C1orf21: variants seen among roughly 807,000 people sequenced by gnomAD.
The protein encoded by C1orf21 is uncharacterized protein C1orf21.
C1orf21 carries 3 observed loss-of-function variants against 18.7 expected under a neutral mutation model. The ratio of observed to expected loss-of-function variants is 0.16; its 90% CI spans 0.07 to 0.42. The LOEUF is 0.42. Ranked by LOEUF, C1orf21 falls within the 10% of genes least tolerant of loss-of-function variation. C1orf21 has a pLI of 0.99. For synonymous variants in C1orf21, 41 were observed against 46.4 expected (o/e 0.88, Z 0.47); for missense variants, 104 against 143.6 (o/e 0.72, Z 1.41).
intron 3 of C1orf21, among the ~76,000 whole-genome samples, chr1:184,569,054 T>C (rs1361047065): frequency 1.3e-5 from 2 of 152,210 alleles, no homozygotes; most frequent in African/African-American, 2.4e-5. Context: ...GAGACAGATA[T>C]GTAAACAGAT....
chr1:184,555,405 C>T (rs1571275467), intron 3 of C1orf21, among the ~76,000 whole-genome samples: 1 of 151,988 alleles, frequency 6.6e-6, no homozygotes. Flanking sequence ...CCTCAGATCC[C>T]AAGCTAAGGT....
intron 1 of C1orf21, among the ~76,000 whole-genome samples, chr1:184,433,719 G>A (rs1047398003): frequency 9.2e-5 from 14 of 152,168 alleles, no homozygotes; most frequent in Admixed American, 3.3e-4. Flanking sequence ...TGTGACACTC[G>A]TCATATTTCA....
chr1:184,543,106 T>C (rs968314822), intron 3 of C1orf21, among the ~76,000 whole-genome samples: 2 of 152,184 alleles, frequency 1.3e-5, no homozygotes, highest in African/African-American at 4.8e-5. Flanking sequence ...ATCCTGGCAC[T>C]TTGGGATGCT....
chr1:184,517,482 C>T (rs1057415667), intron 3 of C1orf21, among the ~76,000 whole-genome samples: 1 of 152,196 alleles, frequency 6.6e-6, no homozygotes, highest in South Asian at 2.1e-4. Context: ...TTGAATAGCC[C>T]CAATTTCCCA....
intron 1 of C1orf21, among the ~76,000 whole-genome samples, chr1:184,389,488 C>T (rs1316779808): frequency 6.6e-6 from 1 of 152,224 alleles, no homozygotes; most frequent in Non-Finnish European, 1.5e-5. Context: ...CTCACTTTAT[C>T]ATTCAACATG....
intron 2 of C1orf21, among the ~76,000 whole-genome samples, chr1:184,480,939 T>C (rs1657645850): frequency 6.6e-6 from 1 of 152,158 alleles, no homozygotes; most frequent in Non-Finnish European, 1.5e-5. Context: ...TGGGAGAGCC[T>C]TCCATCAGGG....
At chr1:184,564,469 G>A (rs370526971) in intron 3 of C1orf21, among the ~76,000 whole-genome samples, 19 of 151,968 alleles carry the variant, frequency 1.3e-4, no homozygotes, top group African/African-American at 2.7e-4. Context: ...CACCATGCCC[G>A]GCTGATTTTT....
At chr1:184,425,792 G>A (rs1363305466) in intron 1 of C1orf21, among the ~76,000 whole-genome samples, 5 of 152,166 alleles carry the variant, frequency 3.3e-5, no homozygotes, top group African/African-American at 1.2e-4. Flanking sequence ...TTTCTTACCA[G>A]TAGACATTCA....
chr1:184,566,750 G>T, intron 3 of C1orf21: 1 of 393,720 alleles, frequency 2.5e-6, no homozygotes, highest in Non-Finnish European at 5.1e-6. Flanking sequence ...ATGATTCCTG[G>T]CAGGAAAGGC....
At chr1:184,561,196 G>A (rs946229553) in intron 3 of C1orf21, among the ~76,000 whole-genome samples, 1 of 152,128 alleles carries the variant, frequency 6.6e-6, no homozygotes, top group Non-Finnish European at 1.5e-5. Flanking sequence ...CAGCAAGAAG[G>A]CATTTTAATG....
intron 1 of C1orf21, among the ~76,000 whole-genome samples, chr1:184,449,854 A>G (rs918579121): frequency 3.9e-5 from 6 of 152,136 alleles, no homozygotes; most frequent in Non-Finnish European, 5.9e-5. Context: ...ACTTTCCTTC[A>G]GTGTTTGGTA....
chr1:184,458,124 G>A (rs12117823), intron 1 of C1orf21, among the ~76,000 whole-genome samples: 25,004 of 152,026 alleles, frequency 0.16, 2,374 homozygotes, highest in Middle Eastern at 0.22. Context: ...ACGTTCCTTC[G>A]CCTGACCCGT....
intron 2 of C1orf21, among the ~76,000 whole-genome samples, chr1:184,502,690 C>T (rs1657995181): frequency 6.6e-6 from 1 of 152,114 alleles, no homozygotes; most frequent in African/African-American, 2.4e-5. Context: ...CGTAGAGATA[C>T]AGTGGTCAGA....
chr1:184,493,022 G>A (rs1220427248), intron 2 of C1orf21, among the ~76,000 whole-genome samples: 5 of 152,242 alleles, frequency 3.3e-5, no homozygotes, highest in Non-Finnish European at 7.4e-5. Context: ...CTATAATAGG[G>A]CAAGAAGAAG....
chr1:184,489,876 G>A (rs1375407815), intron 2 of C1orf21, among the ~76,000 whole-genome samples: 1 of 152,168 alleles, frequency 6.6e-6, no homozygotes, highest in Non-Finnish European at 1.5e-5. Flanking sequence ...TGAAGTTTCA[G>A]GTGATTCTTA....
intron 3 of C1orf21, among the ~76,000 whole-genome samples, chr1:184,551,730 G>A (rs1185626079): frequency 6.6e-6 from 1 of 152,142 alleles, no homozygotes; most frequent in Non-Finnish European, 1.5e-5. Flanking sequence ...GGGGGTCCAG[G>A]GTGCAGTGGC....
intron 3 of C1orf21, among the ~76,000 whole-genome samples, chr1:184,586,342 G>A (rs1036005140): frequency 8.7e-5 from 13 of 149,480 alleles, no homozygotes; most frequent in African/African-American, 3.0e-4. Flanking sequence ...GAGTGCAGTG[G>A]TGCAATCTCG....
intron 3 of C1orf21, among the ~76,000 whole-genome samples, chr1:184,526,087 TGTTAGA>T (rs1658373025): frequency 6.6e-6 from 1 of 152,190 alleles, no homozygotes; most frequent in Non-Finnish European, 1.5e-5. Context: ...AAAATTGTAT[TGTTAGA>T]GTTAATGACA....
At chr1:184,588,024 G>T (rs1022375075) in intron 3 of C1orf21, among the ~76,000 whole-genome samples, 1 of 152,164 alleles carries the variant, frequency 6.6e-6, no homozygotes, top group Non-Finnish European at 1.5e-5. Context: ...CATTTCTTCT[G>T]CATGTCCAGG....
Sources: allele counts gnomAD v4.1 joint callset (sites outside exome capture counted in the v4.1 genomes callset), GRCh38; gene constraint gnomAD v4.1.1; transcripts MANE v1.5; gene names NCBI Gene and HGNC (gene_info 2026-07-23, HGNC 2026-07-21).